USP42: variants seen among roughly 807,000 people sequenced by gnomAD.
The protein encoded by USP42 is ubiquitin specific peptidase 42.
A neutral mutation model predicts 113.0 loss-of-function variants in USP42; 23 were observed. The observed-to-expected ratio is 0.20, with a 90% CI of 0.15 to 0.29. The LOEUF (loss-of-function observed/expected upper bound fraction) is 0.29, where lower values mean the gene tolerates loss of function less well. Ranked by LOEUF, USP42 falls within the 10% of genes least tolerant of loss-of-function variation. USP42 has a pLI of 1.00. For synonymous variants in USP42, 933 were observed against 699.0 expected (o/e 1.33, Z -5.28); for missense variants, 2,174 against 1,779.8 (o/e 1.22, Z -3.99).
chr7:6,147,604 A>G lies in USP42; in HGVS notation c.1233-135A>G, dbSNP rs1781788086. ...TGAAGGAGGGGATGTGTATAGCTCCATACTGTGTAGCATAAACATGCTATT... is the reference window on the plus strand; with the variant it reads ...TGAAGGAGGGGATGTGTATAGCTCCGTACTGTGTAGCATAAACATGCTATT... On this transcript the variant is annotated intron_variant, in intron 11 of 17. Coordinates refer to ENST00000306177, the MANE Select transcript of USP42 (RefSeq NM_032172.3). 1.1e-5 allele frequency: 11 copies of G among 965,230 alleles called. No homozygotes were observed. The South Asian group carries it at 2.2e-4, about 19-fold the overall frequency. 59.8% of individuals were successfully genotyped at this position (965,230 alleles called of 1,614,324 possible).
At chr7:6,136,593 C>A (rs1333686045) in intron 4 of USP42, among the ~76,000 whole-genome samples, 1 of 152,024 alleles carries the variant, frequency 6.6e-6, no homozygotes, top group Non-Finnish European at 1.5e-5. Context: ...CTGAGTAATA[C>A]TAATTCTGAT....
rs757405723 is a variant in USP42 at position 6,145,587 on chromosome 7, C to T, written c.1062C>T (p.Tyr354=). 1.2e-5 allele frequency: 20 copies of T among 1,613,848 alleles called. No individual in the cohort carries two copies. Among genetic ancestry groups the T allele is most frequent in the Non-Finnish European group, 1.3e-5 (15 of 1,179,888 alleles). The change falls in exon 10 of 18, where the codon TAC becomes TAT. Residue 354 remains tyrosine, a synonymous_variant. Coordinates refer to ENST00000306177, the MANE Select transcript of USP42 (RefSeq NM_032172.3). ...MSQPNGEPIV[Y]VLYAVLVHTG... is the part of the protein sequence containing the mutation. ...AACCCAACGGAGAGCCAATTGTCTA[C>T]GTCTTGTATGCAGTGCTGGTCCACA...
At chr7:6,137,278 C>T (rs1049983704) in intron 4 of USP42, among the ~76,000 whole-genome samples, 1 of 152,220 alleles carries the variant, frequency 6.6e-6, no homozygotes, top group African/African-American at 2.4e-5. Context: ...AACAGACAAG[C>T]CAAAAACCTT....
At chr7:6,094,157 C>T in the USP42 span, among the ~76,000 whole-genome samples, 4 of 150,420 alleles carry the variant, frequency 2.7e-5, no homozygotes, top group African/African-American at 1.0e-4. Flanking sequence ...GCTGGGATTA[C>T]AGGCATGAGC....
chr7:6,127,918 T>A (rs1780626691), intron 3 of USP42, among the ~76,000 whole-genome samples: 1 of 152,146 alleles, frequency 6.6e-6, no homozygotes, highest in Admixed American at 6.6e-5. Context: ...GCTTTTTTTG[T>A]TGTTGTTGGT....
chr7:6,114,676 ATATTTTTTTTTTTTT>A (rs1258674444), intron 2 of USP42, among the ~76,000 whole-genome samples: 5 of 31,264 alleles, frequency 1.6e-4, no homozygotes, highest in African/African-American at 6.2e-4. Context: ...ATATATATAT[ATATTTTTTTTTTTTT>A]TTTTTTTTTT....
chr7:6,103,777 G>C (rs1054514384), upstream of USP42, among the ~76,000 whole-genome samples: 2 of 150,082 alleles, frequency 1.3e-5, no homozygotes, highest in Non-Finnish European at 2.9e-5. Context: ...AAATTAGTCG[G>C]GTGCAGCGGC....
upstream of USP42, among the ~76,000 whole-genome samples, chr7:6,104,374 C>G (rs1401248345): frequency 6.6e-6 from 1 of 152,222 alleles, no homozygotes; most frequent in Non-Finnish European, 1.5e-5. Context: ...AGCCACCGCG[C>G]CCGGCCCAGA....
At chr7:6,096,813 C>G in the USP42 span, among the ~76,000 whole-genome samples, 1 of 151,312 alleles carries the variant, frequency 6.6e-6, no homozygotes, top group Non-Finnish European at 1.5e-5. Flanking sequence ...CAGTGCCTCC[C>G]ATCTGCTACT....
intron 7 of USP42, among the ~76,000 whole-genome samples, chr7:6,141,473 G>A (rs943937828): frequency 6.6e-6 from 1 of 151,974 alleles, no homozygotes; most frequent in African/African-American, 2.4e-5. Context: ...TGGGATTACA[G>A]GCGTGAGCCA....
chr7:6,159,754 C>G lies in USP42; in HGVS notation c.*36+261C>G, dbSNP rs949781877. On this transcript the variant is annotated intron_variant, in intron 17 of 17. Coordinates refer to ENST00000306177, the MANE Select transcript of USP42 (RefSeq NM_032172.3). The surrounding 1 kb of genome is among the most constrained non-coding windows in gnomAD (Gnocchi z 4.1). ...TTCACGCAGGCAGAGTCGCCCTGTT[C>G]CCTTGTGCCTCACTTGGGAAAAGCC... Among the ~76,000 whole-genome samples the G allele has an allele frequency of 3.9e-5, 6 of 152,264 alleles. No homozygotes were observed. Among genetic ancestry groups the G allele is most frequent in the South Asian group, 4.1e-4 (2 of 4,832 alleles).
Position 6,123,533 on chromosome 7 carries a change from G to A in USP42, c.442+8010G>A, listed in dbSNP as rs568401222. 2.3e-3 allele frequency among the ~76,000 whole-genome samples: 342 copies of A among 151,690 alleles called. 1 individual carries two copies. The highest frequency in any genetic ancestry group is 4.1e-3 in the Admixed American group (63 of 15,238). ...AAATATTAGCCAGGCGAGGTGGCGG[G>A]CGCCTGTAGTCCCAGCTACTCGGGA... On this transcript the variant is annotated intron_variant, in intron 3 of 17. Transcript: ENST00000306177.
intron 12 of USP42, 125 bp downstream of exon 12, chr7:6,148,017 T>A: frequency 9.4e-7 from 1 of 1,068,436 alleles, no homozygotes; most frequent in Non-Finnish European, 1.3e-6. Flanking sequence ...CACAGTTTAA[T>A]CAAACCCTCT....
chr7:6,127,939 T>C (rs1212041874), intron 3 of USP42, among the ~76,000 whole-genome samples: 1 of 152,118 alleles, frequency 6.6e-6, no homozygotes, highest in Non-Finnish European at 1.5e-5. Context: ...TTCTTTGTTT[T>C]TGAGACAGAA....
chr7:6,123,545 C>T (rs972878582), intron 3 of USP42, among the ~76,000 whole-genome samples: 2 of 152,012 alleles, frequency 1.3e-5, no homozygotes, highest in African/African-American at 4.8e-5. Flanking sequence ...GCCTGTAGTC[C>T]CAGCTACTCG....
In USP42 at chr7:6,159,642, GC is replaced by G; in HGVS notation, c.*36+152del. 1.3e-6 allele frequency: 1 copy of G among 756,794 alleles called. No homozygotes were observed. The highest frequency in any genetic ancestry group is 2.1e-6 in the Non-Finnish European group (1 of 466,106). The allele number at this position is 756,794 out of a possible 1,614,324, so 46.9% of individuals were successfully genotyped here. A position where few individuals can be genotyped will look rare whatever the true frequency, so the allele number is the denominator to read the frequency against. On this transcript the variant is annotated intron_variant, in intron 17 of 17. Transcript: ENST00000306177. The surrounding 1 kb of genome is among the most constrained non-coding windows in gnomAD (Gnocchi z 4.1). ...AGAGGCCCCGGCAGGTTCCCAGCCA[GC>G]CCAGACCCAGGCCACGCGCTTGGGG...
intron 7 of USP42, among the ~76,000 whole-genome samples, chr7:6,142,512 G>T (rs144266801): frequency 2.0e-5 from 3 of 152,062 alleles, no homozygotes; most frequent in Non-Finnish European, 4.4e-5. Flanking sequence ...CACCACGCCC[G>T]CCCGGAAAAT....
In USP42 at chr7:6,153,741, G is replaced by GT. The variant is rs1268793548; in HGVS notation, c.2202-12dup. 6.9e-7 allele frequency: 1 copy of GT among 1,439,594 alleles called. No individual in the cohort carries two copies. The highest frequency in any genetic ancestry group is 1.5e-5 in the African/African-American group (1 of 67,570). 89.2% of individuals were successfully genotyped at this position (1,439,594 alleles called of 1,614,324 possible). On this transcript the variant is annotated splice_polypyrimidine_tract_variant and intron_variant, in intron 14 of 17. Transcript: ENST00000306177. Reference sequence around the variant, plus strand: ...CCCACGCTAACGGGCGTGTTTGTTTGTTTGGGGGCTGCAGTGCACCTGGAG... The same window carrying GT: ...CCCACGCTAACGGGCGTGTTTGTTTGTTTTGGGGGCTGCAGTGCACCTGGAG...
intron 4 of USP42, among the ~76,000 whole-genome samples, 198 bp downstream of exon 4, chr7:6,136,149 C>T (rs999642329): frequency 2.6e-5 from 4 of 151,906 alleles, no homozygotes; most frequent in African/African-American, 9.7e-5. Context: ...AGATCACAGG[C>T]GTGTACCACT....
Sources: gnomAD v4.1 joint callset for allele counts (sites outside exome capture counted in the v4.1 genomes callset) on GRCh38, gnomAD v4.1.1 for gene constraint, Gnocchi (gnomAD v3.1) non-coding constraint, MANE v1.5 for transcripts, NCBI Gene and HGNC (gene_info 2026-07-23, HGNC 2026-07-21) for gene names.